Variants in TMEM138 observed in about 807,000 individuals in gnomAD.
TMEM138 encodes transmembrane protein 138.
A neutral mutation model predicts 18.1 loss-of-function variants in TMEM138; 9 were observed. The observed-to-expected ratio is 0.50, with a 90% CI of 0.30 to 0.87. The LOEUF (loss-of-function observed/expected upper bound fraction) is 0.87, where lower values mean the gene tolerates loss of function less well. TMEM138 is among the 40% of genes least tolerant of loss of function. The pLI is 0.06. For missense variants in TMEM138, 189 were observed against 190.6 expected (o/e 0.99, Z 0.05); for synonymous variants, 79 against 74.8 (o/e 1.06, Z -0.29).
chr11:61,364,244 T>C lies in TMEM138; in HGVS notation c.-139-8T>C. 1.1e-6 allele frequency: 1 copy of C among 913,990 alleles called. No homozygotes were observed. The highest frequency in any genetic ancestry group is 1.6e-6 in the Non-Finnish European group (1 of 608,444). 56.6% of individuals were successfully genotyped at this position (913,990 alleles called of 1,614,324 possible). A position where few individuals can be genotyped will look rare whatever the true frequency, so the allele number is the denominator to read the frequency against. ...TTTCTAACCTTGCTTATCTTTTTGC[T>C]CCAACAGGTGCTTGCCTTAGAGCAA... On this transcript the variant is annotated splice_polypyrimidine_tract_variant and splice_region_variant and intron_variant, in intron 1 of 4. Transcript: ENST00000278826.
At chr11:61,372,958 TA>T (rs57589732), downstream of TMEM138, among the ~76,000 whole-genome samples, 48 of 151,510 alleles carry the variant, frequency 3.2e-4, no homozygotes, top group East Asian at 2.3e-3. Flanking sequence ...AAAAACAGAT[TA>T]AAAAAAAAGT....
chr11:61,375,165 A>G (rs541207966), downstream of TMEM138, among the ~76,000 whole-genome samples: 2 of 152,310 alleles, frequency 1.3e-5, no homozygotes, highest in African/African-American at 2.4e-5. Context: ...TACACTTAAA[A>G]TGTTGCTGAT....
Position 61,364,510 on chromosome 11 carries a change from G to A in TMEM138, c.120G>A (p.Val40=), listed in dbSNP as rs751371947. ...LLQKTPVIQL[V]LFIIQDIAVL... is the part of the protein sequence containing the mutation. ...AAAAGACTCCTGTCATCCAGCTTGT[G>A]CTCTTCATGTGCGTGCAGTAAGGCA... The change falls in exon 2 of 5, where the codon GTG becomes GTA. Residue 40 remains valine, a synonymous_variant. Coordinates refer to ENST00000278826, the MANE Select transcript of TMEM138 (RefSeq NM_016464.5). 1 of 1,614,142 alleles carries A rather than the reference G, an allele frequency of 6.2e-7. No individual in the cohort carries two copies. The highest frequency in any genetic ancestry group is 1.7e-5 in the Admixed American group (1 of 60,020).
downstream of TMEM138, among the ~76,000 whole-genome samples, chr11:61,372,107 CAG>C (rs1858356657): frequency 6.8e-6 from 1 of 147,880 alleles, no homozygotes; most frequent in African/African-American, 2.5e-5. Context: ...ACCTGGGAGG[CAG>C]AGGTTGCAGT....
downstream of TMEM138, among the ~76,000 whole-genome samples, chr11:61,373,874 C>G (rs542938296): frequency 1.3e-5 from 2 of 151,646 alleles, no homozygotes; most frequent in Admixed American, 6.6e-5. Context: ...GAGTCTCACT[C>G]TTGTCGTCCA....
downstream of TMEM138, among the ~76,000 whole-genome samples, chr11:61,372,613 T>C (rs780917828): frequency 6.6e-6 from 1 of 151,992 alleles, no homozygotes; most frequent in Non-Finnish European, 1.5e-5. Flanking sequence ...AAACCCCGTC[T>C]GTACTAAAAA....
intron 2 of TMEM138, 79 bp downstream of exon 2, chr11:61,364,597 G>C: frequency 6.3e-7 from 1 of 1,581,098 alleles, no homozygotes; most frequent in African/African-American, 1.3e-5. Flanking sequence ...GTGTCTTAAA[G>C]TTATTAGTAG....
chr11:61,363,337 C>G (rs1383803007), intron 1 of TMEM138: 3 of 152,188 alleles, frequency 2.0e-5, no homozygotes, highest in East Asian at 3.8e-4. Flanking sequence ...TCCGGAGCCT[C>G]TGTGTAAAAT....
chr11:61,373,770 G>C (rs1015108441), downstream of TMEM138, among the ~76,000 whole-genome samples: 1 of 152,010 alleles, frequency 6.6e-6, no homozygotes, highest in African/African-American at 2.4e-5. Flanking sequence ...TCTTTGGGCT[G>C]TATTTGTATA....
chr11:61,371,730 A>T (rs774847054), downstream of TMEM138, among the ~76,000 whole-genome samples: 2 of 152,246 alleles, frequency 1.3e-5, no homozygotes, highest in Non-Finnish European at 2.9e-5. Flanking sequence ...GCTTGATTTT[A>T]TGTATTTTAG....
downstream of TMEM138, among the ~76,000 whole-genome samples, chr11:61,375,265 A>G (rs1858420539): frequency 6.7e-6 from 1 of 150,240 alleles, no homozygotes; most frequent in African/African-American, 2.5e-5. Context: ...AATTTGCAGC[A>G]TATTTGTTTT....
At chr11:61,366,001 C>T (rs1858131806) in intron 2 of TMEM138, 44 bp from the exon 3 acceptor site, 3 of 1,577,186 alleles carry the variant, frequency 1.9e-6, no homozygotes, top group Non-Finnish European at 2.6e-6. Context: ...CTCTTGGGTC[C>T]TCACACAGGC....
At chr11:61,372,050 C>T (rs372777249), downstream of TMEM138, among the ~76,000 whole-genome samples, 7 of 151,642 alleles carry the variant, frequency 4.6e-5, no homozygotes, top group East Asian at 1.2e-3. Flanking sequence ...GTGGCACATG[C>T]GTGTAATCCC....
Position 61,367,965 on chromosome 11 carries a change from G to A in TMEM138, c.343G>A (p.Gly115Arg). ...CTCCAACAGCTTCATATGGACAGAT[G>A]GACTTCAAATGCTGTTTGTATTCCA... ...KNSNSFIWTD[G>R]LQMLFVFQRL... Residue 115 changes from glycine to arginine, a missense_variant, in exon 4 of 5, where the codon GGA (glycine) becomes AGA (arginine). Physicochemically the swap from Gly to Arg is moderately radical, Grantham distance 125. Transcript: ENST00000278826. 6.2e-7 allele frequency: 1 copy of A among 1,613,712 alleles called. No individual in the cohort carries two copies. The highest frequency in any genetic ancestry group is 8.5e-7 in the Non-Finnish European group (1 of 1,179,634).
At chr11:61,364,601 TTAG>T in intron 2 of TMEM138, 83 bp downstream of exon 2, 1 of 1,575,782 alleles carries the variant, frequency 6.3e-7, no homozygotes, top group Non-Finnish European at 8.6e-7. Flanking sequence ...CTTAAAGTTA[TTAG>T]TAGGCTGGGT....
At chr11:61,364,613 G>T in intron 2 of TMEM138, 95 bp downstream of exon 2, 3 of 1,529,568 alleles carry the variant, frequency 2.0e-6, no homozygotes, top group Non-Finnish European at 2.7e-6. Context: ...AGTAGGCTGG[G>T]TACGGTGGCT....
rs886048409 is a variant in TMEM138 at position 61,368,973 on chromosome 11, C to G, written c.*264C>G. The G allele has an allele frequency of 3.4e-5, 14 of 408,530 alleles. No individual in the cohort carries two copies. Among genetic ancestry groups the G allele is most frequent in the East Asian group, 1.8e-4 (4 of 22,154 alleles). The allele number at this position is 408,530 out of a possible 1,614,324, so 25.3% of individuals were successfully genotyped here. A position where few individuals can be genotyped will look rare whatever the true frequency, so the allele number is the denominator to read the frequency against. On this transcript the variant is annotated 3_prime_UTR_variant, in exon 5 of 5. Transcript: ENST00000278826. ...CTTTCCTCTCTGTACCATTCATTCT[C>G]CCTGACCGGCCTTTCTTGCCGAGGG... is the stretch of plus-strand genomic sequence containing the variant.
At chr11:61,370,360 C>CT (rs1337782929), downstream of TMEM138, among the ~76,000 whole-genome samples, 7 of 152,190 alleles carry the variant, frequency 4.6e-5, no homozygotes, top group African/African-American at 1.7e-4. Flanking sequence ...TCCTGGAATT[C>CT]TTTAAGTAAA....
downstream of TMEM138, among the ~76,000 whole-genome samples, chr11:61,374,839 T>C (rs7947612): frequency 1 from 151,872 of 152,300 alleles, 75,723 homozygotes; most frequent in Middle Eastern, 1. Context: ...ATCCCAGCTA[T>C]TCAGCTACTC....
Sources: allele counts gnomAD v4.1 joint callset (sites outside exome capture counted in the v4.1 genomes callset), GRCh38; gene constraint gnomAD v4.1.1; transcripts MANE v1.5; gene names NCBI Gene and HGNC (gene_info 2026-07-23, HGNC 2026-07-21).